TBC1D23: variants seen among roughly 807,000 people sequenced by gnomAD.
TBC1D23 encodes TBC1 domain family member 23.
In TBC1D23, 55 loss-of-function variants were observed where a neutral mutation model predicts 91.4. The observed-to-expected ratio is 0.60, with a 90% CI of 0.48 to 0.75. The LOEUF (loss-of-function observed/expected upper bound fraction) is 0.75, where lower values mean the gene tolerates loss of function less well. Among genes scored for constraint, TBC1D23 ranks in the 30% least tolerant of loss-of-function variants. The pLI is 0.00. For synonymous variants in TBC1D23, 289 were observed against 281.0 expected (o/e 1.03, Z -0.28); for missense variants, 725 against 836.1 (o/e 0.87, Z 1.64).
chr3:100,304,607 A>G (rs569273425), intron 11 of TBC1D23, among the ~76,000 whole-genome samples: 4 of 152,316 alleles, frequency 2.6e-5, no homozygotes, highest in Non-Finnish European at 4.4e-5. Context: ...AAGCAAAATC[A>G]AGACTTGTTA....
chr3:100,279,196 A>G (rs1384956886), intron 1 of TBC1D23, among the ~76,000 whole-genome samples: 1 of 152,240 alleles, frequency 6.6e-6, no homozygotes, highest in East Asian at 1.9e-4. Flanking sequence ...CTAAATGTCT[A>G]TAACCCTTCT....
chr3:100,316,145 A>G lies in TBC1D23; in HGVS notation c.1645A>G (p.Lys549Glu), dbSNP rs1705740542. ...DRVGKPYRGV[K>E]PVFSIGDEEE... ...AGTGGGCAAGCCTTACCGTGGCGTA[A>G]AGCCTGTTTTCAGCATTGGGGATGA... Residue 549 changes from lysine to glutamate, a missense_variant, in exon 16 of 19, where the codon AAG (lysine) becomes GAG (glutamate). Coordinates refer to ENST00000394144, the MANE Select transcript of TBC1D23 (RefSeq NM_001199198.3). 1.2e-6 allele frequency: 2 copies of G among 1,614,014 alleles called. No homozygotes were observed. The highest frequency in any genetic ancestry group is 2.2e-5 in the East Asian group (1 of 44,890).
chr3:100,283,835 A>C, intron 4 of TBC1D23, 24 bp downstream of exon 4: 1 of 1,487,328 alleles, frequency 6.7e-7, no homozygotes, highest in East Asian at 2.3e-5. Flanking sequence ...CAGTTATTGT[A>C]GTTTTTAAAA....
chr3:100,307,871 C>T (rs1705541096), intron 13 of TBC1D23, among the ~76,000 whole-genome samples: 2 of 152,028 alleles, frequency 1.3e-5, no homozygotes, highest in South Asian at 4.1e-4. Flanking sequence ...TTTGCATATG[C>T]CATGATTATT....
chr3:100,269,438 T>C (rs146532277), intron 1 of TBC1D23, among the ~76,000 whole-genome samples: 1 of 152,362 alleles, frequency 6.6e-6, no homozygotes, highest in Non-Finnish European at 1.5e-5. Flanking sequence ...GACACAAATC[T>C]AGATAACTTC....
Position 100,263,280 on chromosome 3 carries a change from A to T in TBC1D23, c.53+2209A>T, listed in dbSNP as rs868283993. ...AGGACTTTCACAAGGTAATGTCATC[A>T]GTTAAGGCAAGGACCGGCCATTTAC... On this transcript the variant is annotated intron_variant, in intron 1 of 18. Coordinates refer to ENST00000394144, the MANE Select transcript of TBC1D23 (RefSeq NM_001199198.3). Among the ~76,000 whole-genome samples the T allele has an allele frequency of 6.6e-5, 10 of 152,360 alleles. No individual in the cohort carries two copies. The South Asian group carries it at 2.1e-3, about 32-fold the overall frequency.
chr3:100,281,683 A>ATTT lies in TBC1D23; in HGVS notation c.166-57_166-55dup, dbSNP rs1559803367. The ATTT allele has an allele frequency of 4.5e-6, 5 of 1,099,862 alleles. No individual in the cohort carries two copies. The South Asian group carries it at 6.5e-5, about 14-fold the overall frequency. The allele number at this position is 1,099,862 out of a possible 1,614,324, so 68.1% of individuals were successfully genotyped here. ...TTCAGGCCTTTAATTATTACAGCATATTTTCCAAGAATGAGGAATAACATA... is the reference window on the plus strand; with the variant it reads ...TTCAGGCCTTTAATTATTACAGCATATTTTTTTCCAAGAATGAGGAATAACATA... On this transcript the variant is annotated intron_variant, in intron 2 of 18. Transcript: ENST00000394144.
chr3:100,314,440 G>T (rs566599437), intron 15 of TBC1D23, among the ~76,000 whole-genome samples: 37 of 152,146 alleles, frequency 2.4e-4, no homozygotes, highest in African/African-American at 7.9e-4. Flanking sequence ...GTAAAGTATA[G>T]ATTTGATCTC....
chr3:100,314,179 A>G lies in TBC1D23; in HGVS notation c.1599-1920A>G, dbSNP rs1407664231. Among the ~76,000 whole-genome samples the G allele has an allele frequency of 3.4e-5, 5 of 146,334 alleles. No homozygotes were observed. In the East Asian group the frequency reaches 1.0e-3, roughly 29 times the overall value. ...AGTGGCGCAATCTCGGCTCACTGCAACCTGTGCCTCCTGGGTTCAAGTGAT... is the reference window on the plus strand; with the variant it reads ...AGTGGCGCAATCTCGGCTCACTGCAGCCTGTGCCTCCTGGGTTCAAGTGAT... On this transcript the variant is annotated intron_variant, in intron 15 of 18. Coordinates refer to ENST00000394144, the MANE Select transcript of TBC1D23 (RefSeq NM_001199198.3).
chr3:100,297,947 A>G lies in TBC1D23; in HGVS notation c.901A>G (p.Thr301Ala), dbSNP rs1705334681. 1.9e-6 allele frequency: 3 copies of G among 1,611,976 alleles called. No individual in the cohort carries two copies. Among genetic ancestry groups the G allele is most frequent in the Non-Finnish European group, 2.5e-6 (3 of 1,178,354 alleles). The change falls in exon 9 of 19, where the codon ACT becomes GCT. Residue 301 changes from threonine (T) to alanine (A), a missense_variant. By Grantham distance (58) the Thr-to-Ala change is moderately conservative. Transcript: ENST00000394144. The part of the protein sequence containing the change: ...RKDNHHLFGS[T>A]LLGIKDDDAD... ...GGATAATCACCATCTCTTTGGTAGT[A>G]CTTTGTTGGGAATTAAGGATGATGA... is the stretch of plus-strand genomic sequence containing the variant.
intron 11 of TBC1D23, 71 bp downstream of exon 11, chr3:100,302,308 CT>C (rs1559810800): frequency 1.6e-6 from 2 of 1,288,070 alleles, no homozygotes; most frequent in Non-Finnish European, 2.1e-6. Flanking sequence ...ACATAGATAA[CT>C]TTTTGCTTGT....
At chr3:100,314,791 C>T (rs1454028414) in intron 15 of TBC1D23, among the ~76,000 whole-genome samples, 1 of 152,084 alleles carries the variant, frequency 6.6e-6, no homozygotes, top group Non-Finnish European at 1.5e-5. Flanking sequence ...AATACTACTA[C>T]TACTACTAAT....
intron 4 of TBC1D23, among the ~76,000 whole-genome samples, chr3:100,286,901 C>T (rs187334725): frequency 6.6e-5 from 10 of 152,106 alleles, no homozygotes; most frequent in Non-Finnish European, 1.3e-4. Flanking sequence ...GTGCAACCTC[C>T]GCCTCCCAGA....
At chr3:100,314,091 A>ATTTTTTTTTTTTTTTTT (rs71299383) in intron 15 of TBC1D23, among the ~76,000 whole-genome samples, 4 of 94,576 alleles carry the variant, frequency 4.2e-5, no homozygotes, top group South Asian at 4.0e-4. Context: ...AGGCTACAAA[A>ATTTTTTTTTTTTTTTTT]TTTTTTTTTT....
chr3:100,304,819 G>T (rs778367658), intron 11 of TBC1D23, 27 bp from the exon 12 acceptor site: 10 of 1,220,954 alleles, frequency 8.2e-6, no homozygotes, highest in Non-Finnish European at 1.1e-5. Flanking sequence ...AGTTTTGGAA[G>T]AATTTAAATT....
intron 1 of TBC1D23, among the ~76,000 whole-genome samples, chr3:100,276,728 T>C (rs562525155): frequency 1.4e-4 from 21 of 152,334 alleles, no homozygotes; most frequent in African/African-American, 4.3e-4. Flanking sequence ...AATTCTGTTA[T>C]GTTTTATTTA....
At chr3:100,286,532 T>G (rs1046920628) in intron 4 of TBC1D23, among the ~76,000 whole-genome samples, 3 of 151,734 alleles carry the variant, frequency 2.0e-5, no homozygotes, top group Non-Finnish European at 2.9e-5. Context: ...GAGTCTCACT[T>G]TGTCATCCAA....
chr3:100,295,013 A>T, intron 5 of TBC1D23, 74 bp from the exon 6 acceptor site: 1 of 1,362,680 alleles, frequency 7.3e-7, no homozygotes, highest in African/African-American at 1.5e-5. Context: ...TTTCTTATTC[A>T]TTTGCTTTAA....
rs747317757 is a variant in TBC1D23, at chr3:100,296,244, A to T, written c.845A>T (p.Tyr282Phe). Residue 282 changes from tyrosine to phenylalanine, a missense_variant, in exon 8 of 19, where the codon TAT (tyrosine) becomes TTT (phenylalanine). By Grantham distance (22) the Tyr-to-Phe change is conservative (BLOSUM62 3). Transcript: ENST00000394144. Reference protein sequence around the residue: ...IEDLFSLAQYYCSKTPASFRK... With the variant: ...IEDLFSLAQYFCSKTPASFRK... ...GACCTTTTCTCTCTGGCTCAGTATT[A>T]TTGCAGCAAAACACCGGCTTCTTTT... is the stretch of plus-strand genomic sequence containing the variant. 2 of 1,606,690 alleles carry T rather than the reference A, an allele frequency of 1.2e-6. No homozygotes were observed. The highest frequency in any genetic ancestry group is 1.7e-6 in the Non-Finnish European group (2 of 1,176,214).
Sources: allele counts gnomAD v4.1 joint callset (sites outside exome capture counted in the v4.1 genomes callset), GRCh38; gene constraint gnomAD v4.1.1; transcripts MANE v1.5; gene names NCBI Gene and HGNC (gene_info 2026-07-23, HGNC 2026-07-21).